ZNF407: variants seen among roughly 807,000 people sequenced by gnomAD.
ZNF407 encodes the protein zinc finger protein 407.
ZNF407 carries 17 observed loss-of-function variants against 131.2 expected under a neutral mutation model. That is an observed-to-expected ratio of 0.13 (90% CI 0.09 to 0.19). The LOEUF (loss-of-function observed/expected upper bound fraction) is 0.19, where lower values mean the gene tolerates loss of function less well. Ranked by LOEUF, ZNF407 falls within the 10% of genes least tolerant of loss-of-function variation. The pLI, the probability that ZNF407 is intolerant of heterozygous loss-of-function variation, is 1.00. For synonymous variants in ZNF407, 1,156 were observed against 1,062.0 expected (o/e 1.09, Z -1.72); for missense variants, 2,681 against 2,830.6 (o/e 0.95, Z 1.20).
intron 8 of ZNF407, among the ~76,000 whole-genome samples, chr18:74,965,325 G>A (rs1216498890): frequency 1.3e-5 from 2 of 151,854 alleles, no homozygotes; most frequent in Non-Finnish European, 2.9e-5. Flanking sequence ...TCAGCCCCAG[G>A]TAACCATCAT....
intron 8 of ZNF407, among the ~76,000 whole-genome samples, chr18:75,009,942 A>G (rs946901554): frequency 3.3e-5 from 5 of 152,220 alleles, no homozygotes; most frequent in African/African-American, 1.2e-4. Flanking sequence ...ATAGAATTGC[A>G]TTTTACAAGC....
intron 3 of ZNF407, among the ~76,000 whole-genome samples, chr18:74,766,697 A>G (rs1184711903): frequency 2.0e-5 from 3 of 152,212 alleles, no homozygotes; most frequent in African/African-American, 4.8e-5. Flanking sequence ...TCAGTACACA[A>G]TCAACAACAT....
chr18:74,822,194 T>C (rs1266450612), intron 4 of ZNF407, among the ~76,000 whole-genome samples: 3 of 152,078 alleles, frequency 2.0e-5, no homozygotes, highest in Non-Finnish European at 1.5e-5. Context: ...GATTGCAAAA[T>C]TTTTCTCCCA....
intron 4 of ZNF407, among the ~76,000 whole-genome samples, chr18:74,850,794 G>A (rs531344993): frequency 6.6e-5 from 10 of 152,166 alleles, no homozygotes; most frequent in South Asian, 6.2e-4. Context: ...TTCGTGTTCC[G>A]TATTATGTTT....
intron 3 of ZNF407, among the ~76,000 whole-genome samples, chr18:74,687,226 T>C (rs1007200215): frequency 4.6e-5 from 7 of 152,172 alleles, no homozygotes; most frequent in African/African-American, 1.7e-4. Flanking sequence ...TGTATACTTG[T>C]AGTGCCAGGT....
At chr18:74,642,826 G>A (rs1242133655) in intron 3 of ZNF407, among the ~76,000 whole-genome samples, 3 of 152,130 alleles carry the variant, frequency 2.0e-5, no homozygotes, top group African/African-American at 4.8e-5. Flanking sequence ...TGTAGAACAA[G>A]CATTCTAGAG....
At chr18:74,972,109 A>G (rs1259794506) in intron 8 of ZNF407, among the ~76,000 whole-genome samples, 1 of 152,178 alleles carries the variant, frequency 6.6e-6, no homozygotes, top group Non-Finnish European at 1.5e-5. Context: ...GGTCCCTCCC[A>G]CAACATGTGG....
At chr18:74,769,806 T>C (rs925834099) in intron 3 of ZNF407, among the ~76,000 whole-genome samples, 5 of 152,186 alleles carry the variant, frequency 3.3e-5, no homozygotes, top group African/African-American at 1.2e-4. Flanking sequence ...AAAAATAATA[T>C]ACACTTTCAT....
At chr18:74,606,677 G>A (rs1043233531) in intron 1 of ZNF407, among the ~76,000 whole-genome samples, 8 of 152,206 alleles carry the variant, frequency 5.3e-5, no homozygotes, top group African/African-American at 1.9e-4. Flanking sequence ...CGGCACACCT[G>A]AGGAGACATT....
intron 1 of ZNF407, among the ~76,000 whole-genome samples, chr18:74,621,136 G>A (rs1048229847): frequency 2.0e-5 from 3 of 151,948 alleles, no homozygotes; most frequent in African/African-American, 7.3e-5. Flanking sequence ...GTTTAATTTT[G>A]TGGGTACATA....
chr18:74,840,706 A>G (rs149524591), intron 4 of ZNF407, among the ~76,000 whole-genome samples: 3 of 152,152 alleles, frequency 2.0e-5, no homozygotes, highest in African/African-American at 7.2e-5. Context: ...AGCTGATGAG[A>G]TCACCATCTT....
At chr18:74,766,906 A>G (rs567894209) in intron 3 of ZNF407, among the ~76,000 whole-genome samples, 1 of 152,054 alleles carries the variant, frequency 6.6e-6, no homozygotes, top group South Asian at 2.1e-4. Flanking sequence ...TATTTTTTTA[A>G]ATTTCTTCTT....
chr18:74,845,978 T>TA (rs1970697221), intron 4 of ZNF407, among the ~76,000 whole-genome samples: 1 of 152,214 alleles, frequency 6.6e-6, no homozygotes, highest in African/African-American at 2.4e-5. Flanking sequence ...TATAGCTACT[T>TA]AAAATCTAAG....
intron 4 of ZNF407, among the ~76,000 whole-genome samples, chr18:74,873,861 G>A (rs756280724): frequency 6.6e-5 from 10 of 152,134 alleles, no homozygotes; most frequent in African/African-American, 1.4e-4. Flanking sequence ...TAATGAAAAC[G>A]CCTGCTGAGA....
At chr18:74,833,377 C>G (rs1970511230) in intron 4 of ZNF407, among the ~76,000 whole-genome samples, 1 of 152,210 alleles carries the variant, frequency 6.6e-6, no homozygotes, top group South Asian at 2.1e-4. Context: ...GGTAATTTCA[C>G]TTAATCAAAC....
At chr18:74,837,421 A>C (rs1445026276) in intron 4 of ZNF407, among the ~76,000 whole-genome samples, 1 of 152,072 alleles carries the variant, frequency 6.6e-6, no homozygotes, top group African/African-American at 2.4e-5. Context: ...AAAATCCAAT[A>C]CTAGATGTGA....
At chr18:74,697,443 G>A (rs1967384938) in intron 3 of ZNF407, among the ~76,000 whole-genome samples, 1 of 151,994 alleles carries the variant, frequency 6.6e-6, no homozygotes, top group South Asian at 2.1e-4. Flanking sequence ...TGATTTCATT[G>A]TACTTTCATA....
intron 3 of ZNF407, among the ~76,000 whole-genome samples, chr18:74,765,633 G>A (rs1421841689): frequency 6.6e-6 from 1 of 152,084 alleles, no homozygotes; most frequent in Non-Finnish European, 1.5e-5. Context: ...CTCTCATGTA[G>A]CTTCTTCATA....
chr18:74,830,607 T>G (rs1970468901), intron 4 of ZNF407, among the ~76,000 whole-genome samples: 1 of 152,184 alleles, frequency 6.6e-6, no homozygotes, highest in Admixed American at 6.5e-5. Context: ...TGACGAATAA[T>G]GTTTGTACAT....
Sources: gnomAD v4.1 joint callset for allele counts (sites outside exome capture counted in the v4.1 genomes callset) on GRCh38, gnomAD v4.1.1 for gene constraint, MANE v1.5 for transcripts, NCBI Gene and HGNC (gene_info 2026-07-23, HGNC 2026-07-21) for gene names.